MAML3: variants seen among roughly 807,000 people sequenced by gnomAD.
The protein encoded by MAML3 is mastermind like transcriptional coactivator 3, also known as mastermind-like protein 3.
MAML3 carries 27 observed loss-of-function variants against 101.9 expected under a neutral mutation model. That is an observed-to-expected ratio of 0.27 (90% CI 0.20 to 0.37). The LOEUF (loss-of-function observed/expected upper bound fraction) is 0.37. Among genes scored for constraint, MAML3 ranks in the 10% least tolerant of loss-of-function variants. The pLI, the probability that MAML3 is intolerant of heterozygous loss-of-function variation, is 1.00. For synonymous variants in MAML3, 501 were observed against 555.9 expected, an observed-to-expected ratio of 0.90 and a Z score of 1.39; for missense variants, 1,316 against 1,444.9, an observed-to-expected ratio of 0.91 and a Z score of 1.45.
At position 139,887,861 on chromosome 4, in the gene MAML3, A is replaced by C. The variant is rs751364052; in HGVS notation, c.2079+1496T>G. Among the ~76,000 whole-genome samples, 115 of 72,434 alleles carry C rather than the reference A, an allele frequency of 1.6e-3. 2 individuals are homozygous for C. The highest frequency in any genetic ancestry group is 2.6e-3 in the Non-Finnish European group (82 of 32,102). The allele number at this position is 72,434 out of a possible 152,430, so 47.5% of individuals were successfully genotyped here. On this transcript the variant is annotated intron_variant, in intron 2 of 4. Transcript: ENST00000509479. ...TATTGCCTATATTTCTGCCTGCTTC[A>C]GAACTTAATCTGGAGTATATAAAAT...
intron 1 of MAML3, among the ~76,000 whole-genome samples, chr4:139,987,132 C>T (rs900075216): frequency 7.9e-5 from 12 of 152,128 alleles, no homozygotes; most frequent in African/African-American, 2.7e-4. Context: ...GCTTTTTCTT[C>T]GTGTTAAAAA....
chr4:140,026,375 C>T (rs940630325), intron 1 of MAML3, among the ~76,000 whole-genome samples: 4 of 152,166 alleles, frequency 2.6e-5, no homozygotes, highest in Admixed American at 1.3e-4. Flanking sequence ...ATGCTTCAGC[C>T]TCCCAAGTAG....
At chr4:139,766,869 T>TG (rs1560787912) in intron 2 of MAML3, among the ~76,000 whole-genome samples, 1 of 152,318 alleles carries the variant, frequency 6.6e-6, no homozygotes, top group East Asian at 1.9e-4. Context: ...GGCACGGCCA[T>TG]GGGGGCCAGT....
chr4:140,144,548 C>CAAAAAAAAAAAAAAAAAAAAA (rs758787783), intron 1 of MAML3, among the ~76,000 whole-genome samples: 1 of 95,968 alleles, frequency 1.0e-5, no homozygotes. Context: ...AAAGCAAAAC[C>CAAAAAAAAAAAAAAAAAAAAA]AAAAAAAAAA....
intron 2 of MAML3, among the ~76,000 whole-genome samples, chr4:139,817,671 T>G (rs1197953019): frequency 6.6e-6 from 1 of 152,106 alleles, no homozygotes. Context: ...CTATGCCGGG[T>G]TAGGGGGATG....
At chr4:139,817,223 A>AATGG (rs914187914) in intron 2 of MAML3, among the ~76,000 whole-genome samples, 2 of 152,232 alleles carry the variant, frequency 1.3e-5, no homozygotes, top group Non-Finnish European at 1.5e-5. Context: ...AGGTAGAGTG[A>AATGG]ATGGATGGAT....
At chr4:139,862,287 G>A (rs1015384556) in intron 2 of MAML3, among the ~76,000 whole-genome samples, 6 of 152,208 alleles carry the variant, frequency 3.9e-5, no homozygotes, top group African/African-American at 1.4e-4. Flanking sequence ...GGTCAGGGAT[G>A]TGGCCTGTAT....
chr4:140,151,245 G>C (rs764045694), intron 1 of MAML3, among the ~76,000 whole-genome samples: 126 of 152,204 alleles, frequency 8.3e-4, no homozygotes, highest in Non-Finnish European at 1.5e-3. Flanking sequence ...GAGGAGGGAA[G>C]GTGCTGCCGG....
rs114421592 is a variant in MAML3 at position 140,039,627 on chromosome 4, C to T, written c.468+113233G>A. 1.4e-3 allele frequency among the ~76,000 whole-genome samples: 215 copies of T among 152,326 alleles called. 1 individual carries two copies. The highest frequency in any genetic ancestry group is 4.9e-3 in the African/African-American group (205 of 41,574). On this transcript the variant is annotated intron_variant, in intron 1 of 4. Transcript: ENST00000509479. Reference sequence around the variant, plus strand: ...GACTGTGCAGGTGACATGGCATTGCCACTGCTTGTCTCATTCCATCTCTGT... The same window carrying T: ...GACTGTGCAGGTGACATGGCATTGCTACTGCTTGTCTCATTCCATCTCTGT...
At chr4:139,738,799 C>A (rs572965671) in intron 2 of MAML3, among the ~76,000 whole-genome samples, 3 of 152,076 alleles carry the variant, frequency 2.0e-5, no homozygotes, top group African/African-American at 7.2e-5. Flanking sequence ...CAAAGGTAAC[C>A]ACTGTTAATA....
chr4:139,986,234 ATTC>A (rs776567968), intron 1 of MAML3, among the ~76,000 whole-genome samples: 10 of 151,966 alleles, frequency 6.6e-5, no homozygotes, highest in Non-Finnish European at 1.2e-4. Context: ...TCATTTGTTT[ATTC>A]TTCTTCTTTC....
intron 2 of MAML3, chr4:139,730,871 G>A: frequency 3.4e-6 from 2 of 595,734 alleles, no homozygotes; most frequent in Non-Finnish European, 6.0e-6. Flanking sequence ...ACAAGGGACA[G>A]TAAGAGAGCA....
At chr4:139,790,213 T>C (rs887042454) in intron 2 of MAML3, among the ~76,000 whole-genome samples, 1 of 44,518 alleles carries the variant, frequency 2.2e-5, no homozygotes, top group Non-Finnish European at 4.8e-5. Flanking sequence ...TCCACCCTAG[T>C]GACATATATA....
chr4:139,939,403 A>G (rs999122272), intron 1 of MAML3, among the ~76,000 whole-genome samples: 1 of 152,014 alleles, frequency 6.6e-6, no homozygotes, highest in African/African-American at 2.4e-5. Context: ...CTGAGGCCCA[A>G]TCTTCTGGGC....
intron 1 of MAML3, among the ~76,000 whole-genome samples, chr4:140,023,946 C>A (rs2110880847): frequency 6.6e-6 from 1 of 152,308 alleles, no homozygotes; most frequent in South Asian, 2.1e-4. Flanking sequence ...GAAAGTACTA[C>A]CTCTCTACAA....
intron 2 of MAML3, among the ~76,000 whole-genome samples, chr4:139,824,818 T>C (rs1185958510): frequency 6.6e-6 from 1 of 152,170 alleles, no homozygotes; most frequent in Non-Finnish European, 1.5e-5. Context: ...GGATTCCTCC[T>C]TGGAGACGCA....
intron 1 of MAML3, among the ~76,000 whole-genome samples, chr4:140,071,398 C>T (rs188887295): frequency 6.6e-6 from 1 of 152,312 alleles, no homozygotes; most frequent in East Asian, 1.9e-4. Flanking sequence ...GGCACAGATA[C>T]TTGCCCAGCT....
chr4:140,029,996 T>C lies in MAML3; in HGVS notation c.468+122864A>G, dbSNP rs1214181580. ...CACTCACACATCCACACTATTTTCATTTAGGAGTGCATTTAACATTCTGTG... is the reference window on the plus strand; with the variant it reads ...CACTCACACATCCACACTATTTTCACTTAGGAGTGCATTTAACATTCTGTG... On this transcript the variant is annotated intron_variant, in intron 1 of 4. Coordinates refer to ENST00000509479, the MANE Select transcript of MAML3 (RefSeq NM_018717.5). Among the ~76,000 whole-genome samples the C allele has an allele frequency of 3.3e-5, 5 of 152,286 alleles. No homozygotes were observed. In the East Asian group the frequency reaches 5.8e-4, roughly 18 times the overall value.
intron 2 of MAML3, among the ~76,000 whole-genome samples, chr4:139,790,442 A>G (rs1449261421): frequency 2.0e-5 from 3 of 151,674 alleles, no homozygotes; most frequent in African/African-American, 7.3e-5. Flanking sequence ...GGTTCAATTC[A>G]GTGGCATTAG....
Sources: gnomAD v4.1 joint callset for allele counts (sites outside exome capture counted in the v4.1 genomes callset) on GRCh38, gnomAD v4.1.1 for gene constraint, MANE v1.5 for transcripts, NCBI Gene and HGNC (gene_info 2026-07-23, HGNC 2026-07-21) for gene names.